GATB: variants seen among roughly 807,000 people sequenced by gnomAD.
GATB encodes the protein glutamyl-tRNA(Gln) amidotransferase subunit B, mitochondrial.
A neutral mutation model predicts 62.3 loss-of-function variants in GATB; 39 were observed. That is an observed-to-expected ratio of 0.63 (90% CI 0.48 to 0.82). GATB has a LOEUF of 0.82. Ranked by LOEUF, GATB falls within the 40% of genes least tolerant of loss-of-function variation. The pLI is 0.00. For synonymous variants in GATB, 276 were observed against 258.9 expected, an observed-to-expected ratio of 1.07 and a Z score of -0.63; for missense variants, 670 against 684.0, an observed-to-expected ratio of 0.98 and a Z score of 0.23.
In GATB at chr4:151,719,792, C is replaced by T. The variant is rs547978694; in HGVS notation, c.328-254G>A. On this transcript the variant is annotated intron_variant, in intron 2 of 12. Transcript: ENST00000263985. ...AACTGCCACATCGGGAACCCTTTCC[C>T]CCAGTGCCCGGCATCAAAGCTAACA... 5 of 329,850 alleles carry T rather than the reference C, an allele frequency of 1.5e-5. No homozygotes were observed. The South Asian group carries it at 2.0e-4, about 13-fold the overall frequency. 20.4% of individuals were successfully genotyped at this position (329,850 alleles called of 1,614,324 possible).
intron 6 of GATB, among the ~76,000 whole-genome samples, chr4:151,707,438 T>C (rs1426150978): frequency 6.6e-6 from 1 of 152,122 alleles, no homozygotes; most frequent in Non-Finnish European, 1.5e-5. Context: ...GGACTACAGG[T>C]GCTCACCACC....
chr4:151,681,011 G>A lies in GATB; in HGVS notation c.1332-1120C>T, dbSNP rs1395933505. The stretch of plus-strand genomic sequence containing the variant: ...GGAATGACATCAATAGCACATTAGT[G>A]TTACACTGTGTAAATGAGGGCTTCT... On this transcript the variant is annotated intron_variant, in intron 10 of 12. Coordinates refer to ENST00000263985, the MANE Select transcript of GATB (RefSeq NM_004564.3). Among the ~76,000 whole-genome samples the A allele has an allele frequency of 3.5e-4, 53 of 152,196 alleles. 1 individual carries two copies. Among genetic ancestry groups the A allele is most frequent in the Admixed American group, 3.4e-3 (52 of 15,284 alleles).
rs1199329979 is a variant in GATB, at chr4:151,717,086, C to T, written c.442-12G>A. 4 of 1,613,378 alleles carry T rather than the reference C, an allele frequency of 2.5e-6. No homozygotes were observed. The South Asian group carries it at 4.4e-5, about 18-fold the overall frequency. The stretch of plus-strand genomic sequence containing the variant: ...ATTTGGTAGCCTGCCTGCACACAAA[C>T]ATAGGGTAAACATAGTCACTGGTCC... On this transcript the variant is annotated splice_polypyrimidine_tract_variant and intron_variant, in intron 3 of 12. Transcript: ENST00000263985.
chr4:151,722,237 T>A lies in GATB; in HGVS notation c.328-2699A>T, dbSNP rs76865398. On this transcript the variant is annotated intron_variant, in intron 2 of 12. Transcript: ENST00000263985. ...CACTCTGAAAAAAAAAATTCTTAAA[T>A]GTCTATAAAGCACTAAACTTTAGGG... 4.6e-3 allele frequency: 3,255 copies of A among 702,456 alleles called. 63 individuals are homozygous for A. The highest frequency in any genetic ancestry group is 0.044 in the African/African-American group (2,519 of 57,342). The allele number at this position is 702,456 out of a possible 1,614,324, so 43.5% of individuals were successfully genotyped here.
chr4:151,758,802 A>C lies in GATB; in HGVS notation c.297T>G (p.Phe99Leu). The change falls in exon 2 of 13, where the codon TTT becomes TTG. Residue 99 changes from phenylalanine (F) to leucine (L), a missense_variant. Coordinates refer to ENST00000263985, the MANE Select transcript of GATB (RefSeq NM_004564.3). ...AAGTTCCAGGTAGAGATGCATCAAAAAAAGAAACCAAAGAATTTGGAGGTG... is the reference window on the plus strand; with the variant it reads ...AAGTTCCAGGTAGAGATGCATCAAACAAAGAAACCAAAGAATTTGGAGGTG... ...FSAPPNSLVS[F>L]FDASLPGTLP... The C allele has an allele frequency of 6.2e-7, 1 of 1,607,214 alleles. No individual in the cohort carries two copies. Among genetic ancestry groups the C allele is most frequent in the South Asian group, 1.1e-5 (1 of 88,986 alleles).
chr4:151,706,929 C>G (rs1738727018), intron 6 of GATB, among the ~76,000 whole-genome samples: 2 of 152,186 alleles, frequency 1.3e-5, no homozygotes, highest in South Asian at 4.1e-4. Flanking sequence ...CCTCTGAGGT[C>G]CTCCCCTTGA....
intron 5 of GATB, among the ~76,000 whole-genome samples, chr4:151,711,584 T>C (rs1475032208): frequency 1.3e-5 from 2 of 152,224 alleles, no homozygotes; most frequent in South Asian, 2.1e-4. Context: ...TTTAAATACA[T>C]GTCACCTCCT....
At chr4:151,673,253 G>GGT (rs1465701757) in intron 11 of GATB, 1 of 90,228 alleles carries the variant, frequency 1.1e-5, no homozygotes, top group East Asian at 2.1e-4. Context: ...GACTCCACAT[G>GGT]GCGGGGGGGG....
intron 9 of GATB, among the ~76,000 whole-genome samples, chr4:151,699,512 T>C (rs920247388): frequency 1.3e-5 from 2 of 151,958 alleles, no homozygotes; most frequent in Non-Finnish European, 2.9e-5. Context: ...ATTTAAGGCC[T>C]ACTAGGTTTG....
At position 151,670,984 on chromosome 4, in the gene GATB, T is replaced by A. The variant is rs1385069202; in HGVS notation, c.*190A>T. 1 of 638,450 alleles carries A rather than the reference T, an allele frequency of 1.6e-6. No individual in the cohort carries two copies. The highest frequency in any genetic ancestry group is 2.7e-5 in the East Asian group (1 of 37,006). 39.5% of individuals were successfully genotyped at this position (638,450 alleles called of 1,614,324 possible). ...GCAGGCGGGGTGGCTGCTGGTCGGC[T>A]GTGGAGGCACCTCCAGGCACAGGGC... On this transcript the variant is annotated 3_prime_UTR_variant, in exon 13 of 13. Coordinates refer to ENST00000263985, the MANE Select transcript of GATB (RefSeq NM_004564.3).
At chr4:151,759,680 T>A (rs748355779) in intron 1 of GATB, among the ~76,000 whole-genome samples, 1 of 152,166 alleles carries the variant, frequency 6.6e-6, no homozygotes, top group Non-Finnish European at 1.5e-5. Flanking sequence ...TCAGTCCTAC[T>A]CTGTTGGGTC....
chr4:151,679,470 C>T (rs1344835998), intron 11 of GATB, among the ~76,000 whole-genome samples: 4 of 152,082 alleles, frequency 2.6e-5, no homozygotes, highest in Non-Finnish European at 5.9e-5. Flanking sequence ...ACAAGAGCCC[C>T]AGCAGGCTGA....
chr4:151,720,899 A>T (rs1228139285), intron 2 of GATB: 1 of 152,190 alleles, frequency 6.6e-6, no homozygotes, highest in African/African-American at 2.4e-5. Flanking sequence ...CTACAACAAA[A>T]TGGAAGGGGC....
Position 151,723,519 on chromosome 4 carries a change from G to A in GATB, c.328-3981C>T, listed in dbSNP as rs528798689. The stretch of plus-strand genomic sequence containing the variant: ...CAAATCCTACTGTACATCATTTAAG[G>A]CAGATGCTATTTCTAATGTGTTTCT... On this transcript the variant is annotated intron_variant, in intron 2 of 12. Coordinates refer to ENST00000263985, the MANE Select transcript of GATB (RefSeq NM_004564.3). 3 of 152,338 alleles carry A rather than the reference G, an allele frequency of 2.0e-5. No homozygotes were observed. In the East Asian group the frequency reaches 5.8e-4, roughly 29 times the overall value. The allele number at this position is 152,338 out of a possible 1,614,324, so 9.4% of individuals were successfully genotyped here.
At chr4:151,684,348 G>A (rs1738202164) in intron 10 of GATB, among the ~76,000 whole-genome samples, 1 of 152,216 alleles carries the variant, frequency 6.6e-6, no homozygotes, top group African/African-American at 2.4e-5. Flanking sequence ...TTCAGAAGCT[G>A]TCAACCAAAT....
At chr4:151,703,732 A>G in intron 8 of GATB, 119 bp downstream of exon 8, 1 of 771,764 alleles carries the variant, frequency 1.3e-6, no homozygotes, top group South Asian at 1.4e-5. Context: ...TCATGTTACA[A>G]CAATGACAAA....
chr4:151,723,606 T>C lies in GATB; in HGVS notation c.328-4068A>G, dbSNP rs182659455. The C allele has an allele frequency of 7.9e-5, 12 of 152,336 alleles. No homozygotes were observed. The East Asian group carries it at 2.3e-3, about 29-fold the overall frequency. The allele number at this position is 152,336 out of a possible 1,614,324, so 9.4% of individuals were successfully genotyped here. ...ATGTTGAACTCTCAGAGGGCAAGCA[T>C]TGTGTTCTTTTAACTACATGAAAGA... On this transcript the variant is annotated intron_variant, in intron 2 of 12. Coordinates refer to ENST00000263985, the MANE Select transcript of GATB (RefSeq NM_004564.3).
intron 2 of GATB, among the ~76,000 whole-genome samples, chr4:151,725,097 A>G (rs763430801): frequency 1.3e-5 from 2 of 152,256 alleles, no homozygotes; most frequent in South Asian, 4.1e-4. Flanking sequence ...GGCCACTCCT[A>G]TCACAGGGTA....
intron 5 of GATB, among the ~76,000 whole-genome samples, chr4:151,711,410 A>G (rs1416557720): frequency 6.6e-6 from 1 of 152,174 alleles, no homozygotes; most frequent in Non-Finnish European, 1.5e-5. Context: ...GTGTCACCTG[A>G]TGCCACTGCT....
Sources: allele counts gnomAD v4.1 joint callset (sites outside exome capture counted in the v4.1 genomes callset), GRCh38; gene constraint gnomAD v4.1.1; transcripts MANE v1.5; gene names NCBI Gene and HGNC (gene_info 2026-07-23, HGNC 2026-07-21).